PDE3A: variants seen among roughly 807,000 people sequenced by gnomAD.
The protein encoded by PDE3A is phosphodiesterase 3A, also known as cGMP-inhibited 3',5'-cyclic phosphodiesterase 3A.
In PDE3A, 43 loss-of-function variants were observed where a neutral mutation model predicts 98.3. That is an observed-to-expected ratio of 0.44 (90% CI 0.34 to 0.56). The LOEUF (loss-of-function observed/expected upper bound fraction) is 0.56. PDE3A is among the 20% of genes least tolerant of loss of function. PDE3A has a pLI of 0.01. For synonymous variants in PDE3A, 663 were observed against 567.9 expected, an observed-to-expected ratio of 1.17 and a Z score of -2.38; for missense variants, 1,427 against 1,440.7, an observed-to-expected ratio of 0.99 and a Z score of 0.15.
chr12:20,610,761 A>G (rs563355282), intron 2 of PDE3A, among the ~76,000 whole-genome samples: 46 of 152,118 alleles, frequency 3.0e-4, no homozygotes, highest in African/African-American at 1.1e-3. Context: ...GAAGAACATT[A>G]TGCTGAGTAA....
chr12:20,597,985 GT>G (rs1489518051), intron 2 of PDE3A, among the ~76,000 whole-genome samples: 1 of 151,654 alleles, frequency 6.6e-6, no homozygotes, highest in Non-Finnish European at 1.5e-5. Flanking sequence ...TGTTTTTTTT[GT>G]GCTCATAAGC....
At chr12:20,513,302 T>C (rs1458132981) in intron 1 of PDE3A, among the ~76,000 whole-genome samples, 1 of 152,192 alleles carries the variant, frequency 6.6e-6, no homozygotes, top group Non-Finnish European at 1.5e-5. Context: ...TTGTGGGTGT[T>C]GAGTAAAACC....
chr12:20,385,137 C>T (rs1943730378), intron 1 of PDE3A, among the ~76,000 whole-genome samples: 1 of 151,138 alleles, frequency 6.6e-6, no homozygotes, highest in Admixed American at 6.6e-5. Context: ...AGCCAATTTA[C>T]ATTCCCACCA....
chr12:20,614,267 C>T (rs1283955155), intron 3 of PDE3A, among the ~76,000 whole-genome samples: 3 of 152,064 alleles, frequency 2.0e-5, no homozygotes, highest in Non-Finnish European at 4.4e-5. Flanking sequence ...GAAGAAATTA[C>T]ACAAACATTC....
At chr12:20,474,227 AG>A (rs571399766) in intron 1 of PDE3A, among the ~76,000 whole-genome samples, 23 of 152,326 alleles carry the variant, frequency 1.5e-4, no homozygotes, top group African/African-American at 5.3e-4. Context: ...TTATATATTT[AG>A]GAGTCATTCT....
chr12:20,585,918 A>G (rs1303447739), intron 2 of PDE3A, among the ~76,000 whole-genome samples: 5 of 152,162 alleles, frequency 3.3e-5, no homozygotes, highest in Non-Finnish European at 5.9e-5. Context: ...GACACTGCGG[A>G]TACAAAGGTG....
intron 15 of PDE3A, among the ~76,000 whole-genome samples, chr12:20,678,348 G>A (rs1434742553): frequency 2.0e-5 from 3 of 152,132 alleles, no homozygotes; most frequent in Middle Eastern, 3.4e-3. Context: ...TATTTTAGAT[G>A]ATAAGTCTGA....
chr12:20,369,748 T>C lies in PDE3A; in HGVS notation c.464T>C (p.Val155Ala). ...WMGLYLLRAG[V>A]RLPLAVALLA... is the part of the protein sequence containing the mutation. Reference sequence around the variant, plus strand: ...GGCTTGTACCTCCTGCGCGCCGGGGTGCGCCTGCCTCTGGCTGTCGCGCTG... The same window carrying C: ...GGCTTGTACCTCCTGCGCGCCGGGGCGCGCCTGCCTCTGGCTGTCGCGCTG... The change falls in exon 1 of 16, where the codon GTG becomes GCG. Residue 155 changes from valine to alanine, a missense_variant. By Grantham distance (64) the Val-to-Ala change is moderately conservative (BLOSUM62 0). Coordinates refer to ENST00000359062, the MANE Select transcript of PDE3A (RefSeq NM_000921.5). 6.2e-7 allele frequency: 1 copy of C among 1,612,106 alleles called. No homozygotes were observed. The highest frequency in any genetic ancestry group is 8.5e-7 in the Non-Finnish European group (1 of 1,179,692).
At chr12:20,370,389 G>GA (rs1486811953) in intron 1 of PDE3A, 145 bp downstream of exon 1, 1 of 405,974 alleles carries the variant, frequency 2.5e-6, no homozygotes, top group Non-Finnish European at 4.0e-6. Context: ...AAACTAGCAG[G>GA]TTTTTTTTTT....
intron 5 of PDE3A, among the ~76,000 whole-genome samples, chr12:20,622,589 T>C (rs1368678001): frequency 6.6e-6 from 1 of 152,130 alleles, no homozygotes; most frequent in South Asian, 2.1e-4. Context: ...CTAATAAAAT[T>C]GAGCTTTCAT....
rs112157381 is a variant in PDE3A, at chr12:20,418,832, T to C, written c.960+48588T>C. ...ATATATTGATTAGTGTTCTATATTT[T>C]TAAATTAACAGTATGTTATAACCCA... On this transcript the variant is annotated intron_variant, in intron 1 of 15. Transcript: ENST00000359062. Among the ~76,000 whole-genome samples the C allele has an allele frequency of 5.3e-5, 8 of 152,304 alleles. 1 individual carries two copies. The highest frequency in any genetic ancestry group is 1.9e-4 in the African/African-American group (8 of 41,570).
chr12:20,605,876 A>G (rs1943698726), intron 2 of PDE3A, among the ~76,000 whole-genome samples: 1 of 152,200 alleles, frequency 6.6e-6, no homozygotes, highest in South Asian at 2.1e-4. Flanking sequence ...TTAATTTCCA[A>G]AGCAAGTGAC....
In PDE3A at chr12:20,369,036, G is replaced by C. The variant is rs1279617321; in HGVS notation, c.-249G>C. 6.6e-6 allele frequency among the ~76,000 whole-genome samples: 1 copy of C among 152,214 alleles called. No homozygotes were observed. Among genetic ancestry groups the C allele is most frequent in the East Asian group, 1.9e-4 (1 of 5,174 alleles). On this transcript the variant is annotated 5_prime_UTR_variant, in exon 1 of 16. Coordinates refer to ENST00000359062, the MANE Select transcript of PDE3A (RefSeq NM_000921.5). ...ATCCTGATCGTTTCTGCCCGTGCTT[G>C]TTTTCAACTTGAGCGTGCTAGCCTT...
chr12:20,545,846 A>C (rs1486337032), intron 1 of PDE3A, among the ~76,000 whole-genome samples: 1 of 151,938 alleles, frequency 6.6e-6, no homozygotes. Context: ...GTGGAGAGAT[A>C]TCGAATGGAT....
At chr12:20,663,797 A>C (rs1226295094) in intron 15 of PDE3A, among the ~76,000 whole-genome samples, 4 of 152,182 alleles carry the variant, frequency 2.6e-5, no homozygotes, top group African/African-American at 9.7e-5. Context: ...TTAATGCTGG[A>C]ATGAGTTAAG....
intron 2 of PDE3A, among the ~76,000 whole-genome samples, chr12:20,605,007 A>G (rs934954978): frequency 5.3e-5 from 8 of 152,170 alleles, no homozygotes; most frequent in African/African-American, 1.9e-4. Context: ...TTATAGTTGT[A>G]TCTCCCCTAC....
chr12:20,684,215 A>C lies in PDE3A; in HGVS notation c.*3944A>C, dbSNP rs1945886560. 1 of 152,144 alleles carries C rather than the reference A, an allele frequency of 6.6e-6. No individual in the cohort carries two copies. Among genetic ancestry groups the C allele is most frequent in the Non-Finnish European group, 1.5e-5 (1 of 68,000 alleles). 9.4% of individuals were successfully genotyped at this position (152,144 alleles called of 1,614,324 possible). A position where few individuals can be genotyped will look rare whatever the true frequency, so the allele number is the denominator to read the frequency against. ...GAGGTATTCTTGGTGCTTCCATGTC[A>C]GTATCGGGCTCTCCATTGTCCTCAT... On this transcript the variant is annotated 3_prime_UTR_variant, in exon 16 of 16. Coordinates refer to ENST00000359062, the MANE Select transcript of PDE3A (RefSeq NM_000921.5).
chr12:20,472,992 G>A (rs1032974799), intron 1 of PDE3A, among the ~76,000 whole-genome samples: 10 of 152,180 alleles, frequency 6.6e-5, no homozygotes, highest in African/African-American at 2.4e-4. Context: ...CATATTGTAT[G>A]TGATTTTATA....
chr12:20,512,666 A>G (rs2121121557), intron 1 of PDE3A, among the ~76,000 whole-genome samples: 1 of 152,172 alleles, frequency 6.6e-6, no homozygotes, highest in East Asian at 1.9e-4. Flanking sequence ...AAGTAGAATG[A>G]TTTTCCAGGA....
Sources: allele counts gnomAD v4.1 joint callset (sites outside exome capture counted in the v4.1 genomes callset), GRCh38; gene constraint gnomAD v4.1.1; transcripts MANE v1.5; gene names NCBI Gene and HGNC (gene_info 2026-07-23, HGNC 2026-07-21).